The following RBFOX1 variants were observed in gnomAD, a reference collection of about 807,000 sequenced individuals.
The protein encoded by RBFOX1 is RNA binding fox-1 homolog 1.
RBFOX1 carries 8 observed loss-of-function variants against 57.7 expected under a neutral mutation model. The ratio of observed to expected loss-of-function variants is 0.14; its 90% CI spans 0.08 to 0.25. The LOEUF is 0.25. Among genes scored for constraint, RBFOX1 ranks in the 10% least tolerant of loss-of-function variants. The probability of loss-of-function intolerance (pLI) is 1.00; values close to 1 mark genes in which losing one functional copy is unlikely to be tolerated. For synonymous variants in RBFOX1, 326 were observed against 222.4 expected, an observed-to-expected ratio of 1.47 and a Z score of -4.15; for missense variants, 611 against 548.5, an observed-to-expected ratio of 1.11 and a Z score of -1.14.
At chr16:6,614,189 C>T (rs1209671375) in intron 2 of RBFOX1, among the ~76,000 whole-genome samples, 1 of 152,096 alleles carries the variant, frequency 6.6e-6, no homozygotes, top group Non-Finnish European at 1.5e-5. Context: ...GATCTTGTTT[C>T]TTCTAAGTAA....
chr16:6,901,703 G>C (rs954707558), intron 3 of RBFOX1, among the ~76,000 whole-genome samples: 2 of 152,162 alleles, frequency 1.3e-5, no homozygotes, highest in Non-Finnish European at 2.9e-5. Context: ...GAGATAATTT[G>C]TTACATGGAA....
intron 3 of RBFOX1, among the ~76,000 whole-genome samples, chr16:6,691,366 C>G (rs977422692): frequency 1.3e-5 from 2 of 152,194 alleles, no homozygotes; most frequent in Admixed American, 6.5e-5. Flanking sequence ...TCATTCTTCA[C>G]TCTTCTCTGT....
Position 7,670,905 on chromosome 16 carries a change from C to T in RBFOX1, c.931-5869C>T, listed in dbSNP as rs75909127. The stretch of plus-strand genomic sequence containing the variant: ...GCACAAGGATTCTACAGAGACCTTC[C>T]TTGCCAGTGCTAGATTTGTATGAAA... On this transcript the variant is annotated intron_variant, in intron 13 of 15. Transcript: ENST00000550418. Among the ~76,000 whole-genome samples, 1,439 of 152,244 alleles carry T rather than the reference C, an allele frequency of 9.5e-3. 22 individuals are homozygous for T. The highest frequency in any genetic ancestry group is 0.032 in the African/African-American group (1,317 of 41,530).
At chr16:6,478,703 C>T (rs150960045) in intron 2 of RBFOX1, among the ~76,000 whole-genome samples, 12 of 151,662 alleles carry the variant, frequency 7.9e-5, no homozygotes, top group Non-Finnish European at 1.8e-4. Context: ...GATTGTTGTG[C>T]CTTAAGGAAT....
At chr16:6,250,108 G>T (rs1445939653) in intron 1 of RBFOX1, among the ~76,000 whole-genome samples, 1 of 152,084 alleles carries the variant, frequency 6.6e-6, no homozygotes, top group Non-Finnish European at 1.5e-5. Context: ...AGGCATGCTG[G>T]TTCAGCTCTG....
intron 2 of RBFOX1, among the ~76,000 whole-genome samples, chr16:5,571,215 C>CTT (rs34409151): frequency 0.23 from 17,952 of 79,682 alleles, 2,935 homozygotes; most frequent in South Asian, 0.31. Context: ...CCATCTTTGA[C>CTT]TTTTTTTTTT....
At chr16:7,332,974 C>T (rs2096718920) in intron 4 of RBFOX1, 1 of 1,613,066 alleles carries the variant, frequency 6.2e-7, no homozygotes, top group East Asian at 2.2e-5. Context: ...TGTTGAGCTT[C>T]AGAGGGAATA....
rs568896747 is a variant in RBFOX1, at chr16:7,257,490, C to T, written c.27+205392C>T. ...ACTGGTATGGCTGTCAGCCATACCC[C>T]CCGGGTTTCACCTGCTTAATGAGCC... On this transcript the variant is annotated intron_variant, in intron 4 of 15. Coordinates refer to ENST00000550418, the MANE Select transcript of RBFOX1 (RefSeq NM_018723.4). 5.9e-5 allele frequency among the ~76,000 whole-genome samples: 9 copies of T among 152,266 alleles called. No individual in the cohort carries two copies. The South Asian group carries it at 1.9e-3, about 32-fold the overall frequency.
rs1038311833 is a variant in RBFOX1, at chr16:7,711,499, C to T, written c.*754C>T. The stretch of plus-strand genomic sequence containing the variant: ...ATCAACAAGCATTCTTTTTATATTT[C>T]TTCCAGTATAATAAATTATTGATAT... On this transcript the variant is annotated 3_prime_UTR_variant, in exon 16 of 16. Coordinates refer to ENST00000550418, the MANE Select transcript of RBFOX1 (RefSeq NM_018723.4). The T allele has an allele frequency of 6.6e-6, 1 of 152,446 alleles. No individual in the cohort carries two copies. The highest frequency in any genetic ancestry group is 1.5e-5 in the Non-Finnish European group (1 of 68,008). 9.4% of individuals were successfully genotyped at this position (152,446 alleles called of 1,614,324 possible).
intron 4 of RBFOX1, among the ~76,000 whole-genome samples, chr16:7,298,214 C>A (rs2095941671): frequency 6.6e-6 from 1 of 151,666 alleles, no homozygotes; most frequent in African/African-American, 2.4e-5. Context: ...TATAGTTGAC[C>A]CTTCAGCAAC....
chr16:7,298,118 T>G (rs1235574123), intron 4 of RBFOX1, among the ~76,000 whole-genome samples: 1 of 152,176 alleles, frequency 6.6e-6, no homozygotes, highest in Non-Finnish European at 1.5e-5. Context: ...GACACTCAGA[T>G]GCCCCGCATT....
intron 5 of RBFOX1, among the ~76,000 whole-genome samples, chr16:7,533,674 G>A (rs1194256141): frequency 6.6e-6 from 1 of 152,112 alleles, no homozygotes; most frequent in Non-Finnish European, 1.5e-5. Context: ...ATTATGTACT[G>A]TACTGAAAGG....
intron 3 of RBFOX1, among the ~76,000 whole-genome samples, chr16:6,913,756 T>A (rs546632511): frequency 6.6e-6 from 1 of 152,202 alleles, no homozygotes; most frequent in East Asian, 1.9e-4. Context: ...CAGCCAGCGG[T>A]TAAGTCCACT....
chr16:5,867,296 C>T, intron 3 of RBFOX1: 1 of 1,201,252 alleles, frequency 8.3e-7, no homozygotes, highest in Non-Finnish European at 1.0e-6. Context: ...TTTTGTTTAA[C>T]TTGCAGGTTT....
At position 5,500,152 on chromosome 16, in the gene RBFOX1, TCCTCCCCTC is replaced by T. The variant is rs1378157700; in HGVS notation, c.258+32901_258+32909del. Among the ~76,000 whole-genome samples the T allele has an allele frequency of 2.4e-3, 250 of 103,600 alleles. 1 individual carries two copies. Among genetic ancestry groups the T allele is most frequent in the African/African-American group, 0.014 (227 of 16,528 alleles). The allele number at this position is 103,600 out of a possible 152,430, so 68.0% of individuals were successfully genotyped here. A position where few individuals can be genotyped will look rare whatever the true frequency, so the allele number is the denominator to read the frequency against. On this transcript the variant is annotated intron_variant, in intron 2 of 2. Transcript: ENST00000585867. Reference sequence around the variant, plus strand: ...TCCTTCCCTCCTTCCCTCCTTCCCTTCCTCCCCTCCCACTCCCTGCCTCCCTCCCTCCCT... The same window carrying T: ...TCCTTCCCTCCTTCCCTCCTTCCCTTCCACTCCCTGCCTCCCTCCCTCCCT...
intron 1 of RBFOX1, among the ~76,000 whole-genome samples, chr16:5,449,552 G>C (rs1166072534): frequency 6.6e-6 from 1 of 152,050 alleles, no homozygotes; most frequent in Admixed American, 6.6e-5. Flanking sequence ...CATCTATCTG[G>C]CCCCATGCTT....
rs949774701 is a variant in RBFOX1 at position 6,901,111 on chromosome 16, C to T, written c.-15-150946C>T. On this transcript the variant is annotated intron_variant, in intron 3 of 15. Coordinates refer to ENST00000550418, the MANE Select transcript of RBFOX1 (RefSeq NM_018723.4). Reference sequence around the variant, plus strand: ...CCTCTCACCCTGTATTGTAAATTTCCTATCGACAGGCTTTGTGTTTCCTGT... The same window carrying T: ...CCTCTCACCCTGTATTGTAAATTTCTTATCGACAGGCTTTGTGTTTCCTGT... 3.9e-5 allele frequency among the ~76,000 whole-genome samples: 6 copies of T among 152,298 alleles called. No homozygotes were observed. In the South Asian group the frequency reaches 1.2e-3, roughly 32 times the overall value.
chr16:6,993,141 G>A (rs571961836), intron 3 of RBFOX1, among the ~76,000 whole-genome samples: 21 of 152,252 alleles, frequency 1.4e-4, no homozygotes, highest in Non-Finnish European at 2.8e-4. Flanking sequence ...GGACTGAACT[G>A]TAACACTGAC....
At chr16:6,982,040 T>C (rs1249945249) in intron 3 of RBFOX1, among the ~76,000 whole-genome samples, 3 of 152,210 alleles carry the variant, frequency 2.0e-5, no homozygotes, top group Non-Finnish European at 4.4e-5. Flanking sequence ...TACAAATTTA[T>C]GTAAAATTTT....
Sources: gnomAD v4.1 joint callset for allele counts (sites outside exome capture counted in the v4.1 genomes callset) on GRCh38, gnomAD v4.1.1 for gene constraint, MANE v1.5 for transcripts, NCBI Gene and HGNC (gene_info 2026-07-23, HGNC 2026-07-21) for gene names.